Variants in NLGN1 observed in about 807,000 individuals in gnomAD.
The protein encoded by NLGN1 is neuroligin-1.
NLGN1 carries 12 observed loss-of-function variants against 65.5 expected under a neutral mutation model. That is an observed-to-expected ratio of 0.18 (90% CI 0.12 to 0.30). The LOEUF is 0.30. Ranked by LOEUF, NLGN1 falls within the 10% of genes least tolerant of loss-of-function variation. The pLI, the probability that NLGN1 is intolerant of heterozygous loss-of-function variation, is 1.00. For synonymous variants in NLGN1, 350 were observed against 359.5 expected (o/e 0.97, Z 0.30); for missense variants, 750 against 1,007.1 (o/e 0.74, Z 3.46).
chr3:173,670,947 A>G (rs2133286), intron 3 of NLGN1, among the ~76,000 whole-genome samples: 17,430 of 152,224 alleles, frequency 0.11, 1,040 homozygotes, highest in Middle Eastern at 0.28. Flanking sequence ...AATTACCTAA[A>G]AAGTGCATAG....
At chr3:173,562,491 C>A (rs1742907714) in intron 2 of NLGN1, among the ~76,000 whole-genome samples, 1 of 151,792 alleles carries the variant, frequency 6.6e-6, no homozygotes. Flanking sequence ...CGCTTGAACC[C>A]AGGAGGCAGA....
At chr3:173,603,853 G>A (rs1294971041) in intron 2 of NLGN1, among the ~76,000 whole-genome samples, 1 of 151,992 alleles carries the variant, frequency 6.6e-6, no homozygotes, top group Non-Finnish European at 1.5e-5. Flanking sequence ...TTCTTACAGA[G>A]TTTGTATCTG....
intron 4 of NLGN1, among the ~76,000 whole-genome samples, chr3:173,845,602 GGATGGATA>G (rs1725593930): frequency 7.6e-6 from 1 of 131,158 alleles, no homozygotes; most frequent in African/African-American, 2.8e-5. Flanking sequence ...ATAGGTAGGT[GGATGGATA>G]GATAGATAGA....
chr3:173,444,461 C>T (rs1169965716), intron 2 of NLGN1, among the ~76,000 whole-genome samples: 1 of 152,000 alleles, frequency 6.6e-6, no homozygotes, highest in African/African-American at 2.4e-5. Context: ...ATCTTTTCTC[C>T]CAGTCTGGAT....
intron 2 of NLGN1, among the ~76,000 whole-genome samples, chr3:173,483,385 A>T (rs1442423167): frequency 3.9e-5 from 6 of 152,036 alleles, no homozygotes. Flanking sequence ...TCAAAGCAGT[A>T]TGATGTTATT....
At chr3:173,691,390 C>T (rs1256200525) in intron 3 of NLGN1, among the ~76,000 whole-genome samples, 2 of 152,042 alleles carry the variant, frequency 1.3e-5, no homozygotes, top group African/African-American at 4.8e-5. Flanking sequence ...ATTCTCTCTT[C>T]TTAATTTATA....
At chr3:173,534,716 G>A (rs1354844316) in intron 2 of NLGN1, among the ~76,000 whole-genome samples, 1 of 152,160 alleles carries the variant, frequency 6.6e-6, no homozygotes, top group Non-Finnish European at 1.5e-5. Flanking sequence ...GGCCAAGACA[G>A]TAATTACCCA....
At chr3:173,855,207 T>A (rs1338582182) in intron 4 of NLGN1, among the ~76,000 whole-genome samples, 1 of 152,106 alleles carries the variant, frequency 6.6e-6, no homozygotes, top group East Asian at 1.9e-4. Flanking sequence ...TATTTTAAAA[T>A]TTAGTCATAT....
chr3:173,496,557 C>A (rs1313455307), intron 2 of NLGN1, among the ~76,000 whole-genome samples: 1 of 151,718 alleles, frequency 6.6e-6, no homozygotes, highest in Non-Finnish European at 1.5e-5. Context: ...CTTGGAGAGA[C>A]CACCTATATG....
chr3:174,113,265 T>C (rs1715640083), intron 4 of NLGN1, among the ~76,000 whole-genome samples: 1 of 152,014 alleles, frequency 6.6e-6, no homozygotes, highest in African/African-American at 2.4e-5. Flanking sequence ...TAGGTTAAGA[T>C]ACTAATTTTA....
intron 4 of NLGN1, among the ~76,000 whole-genome samples, chr3:173,858,134 T>C (rs1172104581): frequency 6.6e-6 from 1 of 152,172 alleles, no homozygotes; most frequent in African/African-American, 2.4e-5. Context: ...TTCAAGAACC[T>C]TATTTTGCCA....
chr3:173,731,890 C>A (rs1772919762), intron 3 of NLGN1, among the ~76,000 whole-genome samples: 1 of 151,900 alleles, frequency 6.6e-6, no homozygotes, highest in Admixed American at 6.6e-5. Context: ...AACAATACTG[C>A]TCTTTGCTAA....
intron 2 of NLGN1, among the ~76,000 whole-genome samples, chr3:173,560,810 A>T (rs1742607786): frequency 6.6e-6 from 1 of 152,172 alleles, no homozygotes; most frequent in Non-Finnish European, 1.5e-5. Context: ...ACCCTTTTTG[A>T]GATAGTTCAG....
intron 3 of NLGN1, among the ~76,000 whole-genome samples, chr3:173,794,933 C>G (rs1578467876): frequency 6.6e-6 from 1 of 152,152 alleles, no homozygotes; most frequent in Non-Finnish European, 1.5e-5. Context: ...GAAAAATTCT[C>G]TTTTCCCCTT....
intron 4 of NLGN1, among the ~76,000 whole-genome samples, chr3:174,241,714 C>T (rs1231136917): frequency 6.6e-6 from 1 of 151,326 alleles, no homozygotes; most frequent in East Asian, 2.0e-4. Context: ...AGTGCAGTGG[C>T]ACGATCTCGG....
chr3:173,892,495 C>CG (rs1424585621), intron 4 of NLGN1, among the ~76,000 whole-genome samples: 8 of 150,014 alleles, frequency 5.3e-5, no homozygotes, highest in African/African-American at 2.0e-4. Flanking sequence ...GATGAGAAAA[C>CG]TGAGTCTCAG....
At chr3:173,637,214 A>G (rs1228585139) in intron 3 of NLGN1, among the ~76,000 whole-genome samples, 1 of 152,172 alleles carries the variant, frequency 6.6e-6, no homozygotes, top group Middle Eastern at 3.2e-3. Context: ...GAGGCCTACT[A>G]TGGAATGAGT....
At chr3:173,601,876 C>G (rs1319968977) in intron 2 of NLGN1, among the ~76,000 whole-genome samples, 1 of 151,742 alleles carries the variant, frequency 6.6e-6, no homozygotes, top group African/African-American at 2.4e-5. Context: ...TTTCTCTGTC[C>G]TATGAAACTG....
chr3:173,609,329 T>G (rs73880518), intron 3 of NLGN1, among the ~76,000 whole-genome samples: 8,089 of 152,070 alleles, frequency 0.053, 282 homozygotes, highest in African/African-American at 0.094. Flanking sequence ...AAGATTAAAA[T>G]CTTTGTATAT....
Sources: allele counts gnomAD v4.1 joint callset (sites outside exome capture counted in the v4.1 genomes callset), GRCh38; gene constraint gnomAD v4.1.1; transcripts MANE v1.5; gene names NCBI Gene and HGNC (gene_info 2026-07-23, HGNC 2026-07-21).